ARAP2: variants seen among roughly 807,000 people sequenced by gnomAD.
The protein encoded by ARAP2 is arf-GAP with Rho-GAP domain, ANK repeat and PH domain-containing protein 2.
A neutral mutation model predicts 194.5 loss-of-function variants in ARAP2; 148 were observed. The observed-to-expected ratio is 0.76, with a 90% CI of 0.67 to 0.87. The LOEUF (loss-of-function observed/expected upper bound fraction) is 0.87, where lower values mean the gene tolerates loss of function less well. Ranked by LOEUF, ARAP2 falls within the 40% of genes least tolerant of loss-of-function variation. The pLI, the probability that ARAP2 is intolerant of heterozygous loss-of-function variation, is 0.00. For synonymous variants in ARAP2, 695 were observed against 683.5 expected (o/e 1.02, Z -0.26); for missense variants, 2,128 against 1,989.7 (o/e 1.07, Z -1.32).
intron 5 of ARAP2, among the ~76,000 whole-genome samples, chr4:36,033,700 T>A (rs1719404586): frequency 6.6e-6 from 1 of 152,172 alleles, no homozygotes; most frequent in South Asian, 2.1e-4. Context: ...GCTTTTGACA[T>A]CTTTATCATG....
At chr4:36,117,445 T>C (rs1035946396) in intron 24 of ARAP2, among the ~76,000 whole-genome samples, 1 of 151,828 alleles carries the variant, frequency 6.6e-6, no homozygotes, top group South Asian at 2.1e-4. Flanking sequence ...ACAATAGATA[T>C]ATGCTGGCTG....
chr4:36,074,636 A>AC (rs1727818669), intron 31 of ARAP2, among the ~76,000 whole-genome samples: 1 of 152,114 alleles, frequency 6.6e-6, no homozygotes, highest in South Asian at 2.1e-4. Flanking sequence ...TGACGTAAAC[A>AC]CAGAATACCG....
intron 9 of ARAP2, among the ~76,000 whole-genome samples, chr4:36,169,593 C>T (rs556852939): frequency 3.3e-4 from 50 of 151,142 alleles, no homozygotes; most frequent in Non-Finnish European, 5.6e-4. Flanking sequence ...TGCAATGGCA[C>T]GATCTCGGCT....
chr4:36,107,065 A>C (rs1321704670), intron 27 of ARAP2, among the ~76,000 whole-genome samples: 3 of 151,996 alleles, frequency 2.0e-5, no homozygotes, highest in African/African-American at 7.2e-5. Context: ...ACCGTACATG[A>C]GCACTATCTC....
chr4:36,047,467 A>G (rs1345809810), intron 3 of ARAP2, among the ~76,000 whole-genome samples: 1 of 152,184 alleles, frequency 6.6e-6, no homozygotes, highest in Non-Finnish European at 1.5e-5. Flanking sequence ...GGTCTTTTCA[A>G]CACAACCATC....
At chr4:36,157,667 T>C (rs1732887288) in intron 15 of ARAP2, 1 of 152,144 alleles carries the variant, frequency 6.6e-6, no homozygotes, top group South Asian at 2.1e-4. Flanking sequence ...GGATTACAAT[T>C]AATGTATATA....
chr4:36,030,960 T>C (rs902297273), intron 5 of ARAP2, among the ~76,000 whole-genome samples: 1 of 152,070 alleles, frequency 6.6e-6, no homozygotes, highest in Non-Finnish European at 1.5e-5. Flanking sequence ...TGAAACCCTG[T>C]CTCTACTAAA....
At chr4:36,053,320 A>AT (rs913096920) in intron 2 of ARAP2, among the ~76,000 whole-genome samples, 21 of 150,796 alleles carry the variant, frequency 1.4e-4, no homozygotes, top group African/African-American at 5.2e-4. Flanking sequence ...GCAGTTTTTT[A>AT]TAAAAAAAAA....
At chr4:36,177,117 A>G (rs1738117268) in intron 9 of ARAP2, among the ~76,000 whole-genome samples, 1 of 152,074 alleles carries the variant, frequency 6.6e-6, no homozygotes, top group Non-Finnish European at 1.5e-5. Flanking sequence ...TTTAGAAAAA[A>G]GAAAGTCTAC....
chr4:36,155,397 A>AG (rs1047161286), intron 15 of ARAP2, among the ~76,000 whole-genome samples: 2 of 152,166 alleles, frequency 1.3e-5, no homozygotes, highest in African/African-American at 2.4e-5. Context: ...CTCACTAACT[A>AG]GGGGGCACTG....
At chr4:36,208,408 A>G (rs1435282397) in intron 6 of ARAP2, among the ~76,000 whole-genome samples, 1 of 152,234 alleles carries the variant, frequency 6.6e-6, no homozygotes, top group African/African-American at 2.4e-5. Context: ...TACTTGCAAC[A>G]GAGACCATTT....
chr4:36,182,201 T>A (rs1462536118), intron 8 of ARAP2, among the ~76,000 whole-genome samples: 1 of 152,118 alleles, frequency 6.6e-6, no homozygotes. Flanking sequence ...CTCAGTAAGA[T>A]GCAGAAACTG....
At chr4:36,198,251 G>A (rs1273508254) in intron 6 of ARAP2, among the ~76,000 whole-genome samples, 3 of 152,188 alleles carry the variant, frequency 2.0e-5, no homozygotes, top group Admixed American at 6.5e-5. Flanking sequence ...GCAGCTGGTC[G>A]TCCTGATGTC....
intron 27 of ARAP2, among the ~76,000 whole-genome samples, chr4:36,106,573 T>C (rs779752921): frequency 6.6e-6 from 1 of 151,972 alleles, no homozygotes; most frequent in Non-Finnish European, 1.5e-5. Context: ...TCTGCAATGA[T>C]ACTGAGTAGT....
chr4:36,194,103 CAT>C (rs1183160687), intron 6 of ARAP2, among the ~76,000 whole-genome samples: 2 of 152,016 alleles, frequency 1.3e-5, no homozygotes, highest in Admixed American at 6.5e-5. Context: ...ACATGGAAAA[CAT>C]ATTGAATTTT....
At position 36,158,729 on chromosome 4, in the gene ARAP2, C is replaced by A; in HGVS notation, c.2752+1G>T. On this transcript the variant is annotated splice_donor_variant, in intron 15 of 32. Coordinates refer to ENST00000303965, the MANE Select transcript of ARAP2 (RefSeq NM_015230.4). LOFTEE classifies it high-confidence loss of function. ...ATATCTAAAAAGAAGAGAAAAAATACCTTCAAGCAGTTTTTTCTCTGAAGA... is the reference window on the plus strand; with the variant it reads ...ATATCTAAAAAGAAGAGAAAAAATAACTTCAAGCAGTTTTTTCTCTGAAGA... 2.5e-6 allele frequency: 4 copies of A among 1,597,572 alleles called. No homozygotes were observed. The South Asian group carries it at 3.5e-5, about 14-fold the overall frequency.
chr4:36,198,082 G>A (rs113083063), intron 6 of ARAP2, among the ~76,000 whole-genome samples: 40 of 152,314 alleles, frequency 2.6e-4, no homozygotes, highest in African/African-American at 9.1e-4. Flanking sequence ...AAGGAGGTAC[G>A]CAGACAAGTG....
At chr4:36,027,209 T>G (rs1718064319) in intron 5 of ARAP2, among the ~76,000 whole-genome samples, 1 of 152,130 alleles carries the variant, frequency 6.6e-6, no homozygotes, top group South Asian at 2.1e-4. Flanking sequence ...AATAACTCTA[T>G]GAGGTAGGTA....
chr4:36,047,380 T>C (rs1310319776), intron 3 of ARAP2: 3 of 152,200 alleles, frequency 2.0e-5, no homozygotes, highest in African/African-American at 7.2e-5. Context: ...CTCATTCTAG[T>C]GGCCATATAA....
Sources: gnomAD v4.1 joint callset for allele counts (sites outside exome capture counted in the v4.1 genomes callset) on GRCh38, gnomAD v4.1.1 for gene constraint, MANE v1.5 for transcripts, NCBI Gene and HGNC (gene_info 2026-07-23, HGNC 2026-07-21) for gene names.